CCDC91: variants seen among roughly 807,000 people sequenced by gnomAD.
The protein encoded by CCDC91 is coiled-coil domain containing 91.
In CCDC91, 48 loss-of-function variants were observed where a neutral mutation model predicts 63.2. The ratio of observed to expected loss-of-function variants is 0.76; its 90% confidence interval spans 0.60 to 0.97. The LOEUF is 0.97. Among genes scored for constraint, CCDC91 ranks in the 50% least tolerant of loss-of-function variants. The probability of loss-of-function intolerance (pLI) is 0.00; values close to 1 mark genes in which losing one functional copy is unlikely to be tolerated. For missense variants in CCDC91, 500 were observed against 494.6 expected (o/e 1.01, Z -0.10); for synonymous variants, 167 against 165.8 (o/e 1.01, Z -0.06).
chr12:28,269,350 A>G (rs1382369888), intron 3 of CCDC91, among the ~76,000 whole-genome samples: 1 of 151,752 alleles, frequency 6.6e-6, no homozygotes, highest in Non-Finnish European at 1.5e-5. Context: ...TTTTGTGCCC[A>G]TTCTCTCCTT....
At chr12:28,398,594 T>A (rs1228558211) in intron 8 of CCDC91, among the ~76,000 whole-genome samples, 1 of 152,150 alleles carries the variant, frequency 6.6e-6, no homozygotes, top group African/African-American at 2.4e-5. Flanking sequence ...CTGCCAAAAT[T>A]TTTTCCAAAG....
intron 12 of CCDC91, among the ~76,000 whole-genome samples, chr12:28,513,370 G>T (rs1270647419): frequency 6.6e-6 from 1 of 151,754 alleles, no homozygotes; most frequent in East Asian, 1.9e-4. Context: ...AGAGGGAATT[G>T]TATACAAGTT....
chr12:28,549,374 T>C lies in CCDC91; in HGVS notation c.*201T>C, dbSNP rs34647094. 2.8e-5 allele frequency: 11 copies of C among 398,370 alleles called. No individual in the cohort carries two copies. Among genetic ancestry groups the C allele is most frequent in the Non-Finnish European group, 5.1e-5 (11 of 216,882 alleles). The allele number at this position is 398,370 out of a possible 1,614,324, so 24.7% of individuals were successfully genotyped here. A position where few individuals can be genotyped will look rare whatever the true frequency, so the allele number is the denominator to read the frequency against. On this transcript the variant is annotated 3_prime_UTR_variant, in exon 13 of 13. Coordinates refer to ENST00000536442, the MANE Select transcript of CCDC91 (RefSeq NM_018318.5). The stretch of plus-strand genomic sequence containing the variant: ...TTTGGTTTCTTCTTTACATTTACTG[T>C]TATTTTATTATTATTAGTAGTAGCA...
At chr12:28,262,809 A>G (rs1027489041) in intron 3 of CCDC91, among the ~76,000 whole-genome samples, 1 of 152,068 alleles carries the variant, frequency 6.6e-6, no homozygotes, top group African/African-American at 2.4e-5. Flanking sequence ...TACGAGATGA[A>G]TGAATATGAA....
intron 1 of CCDC91, among the ~76,000 whole-genome samples, chr12:28,236,053 G>A (rs2135887080): frequency 6.6e-6 from 1 of 152,172 alleles, no homozygotes; most frequent in East Asian, 1.9e-4. Context: ...GCTGTTGGAA[G>A]TAAATATAAC....
intron 11 of CCDC91, among the ~76,000 whole-genome samples, chr12:28,473,064 G>A (rs1295847216): frequency 6.6e-6 from 1 of 152,178 alleles, no homozygotes; most frequent in Non-Finnish European, 1.5e-5. Flanking sequence ...CTGCAGATAA[G>A]TGCTATTGTG....
chr12:28,508,831 C>G (rs1592897611), intron 12 of CCDC91, among the ~76,000 whole-genome samples: 2 of 151,918 alleles, frequency 1.3e-5, no homozygotes, highest in Admixed American at 1.3e-4. Context: ...ATTTCTACCC[C>G]TCGGTTCCTG....
At chr12:28,386,685 T>G (rs749665977) in intron 7 of CCDC91, among the ~76,000 whole-genome samples, 4 of 152,178 alleles carry the variant, frequency 2.6e-5, no homozygotes, top group Non-Finnish European at 5.9e-5. Context: ...ATTCTTAAAG[T>G]GTGATAGTTT....
At chr12:28,216,830 T>C (rs1222378753) in intron 1 of CCDC91, among the ~76,000 whole-genome samples, 1 of 152,072 alleles carries the variant, frequency 6.6e-6, no homozygotes, top group African/African-American at 2.4e-5. Flanking sequence ...TTCTTTGTTT[T>C]AGCCTTTTAG....
intron 7 of CCDC91, among the ~76,000 whole-genome samples, chr12:28,380,229 C>T (rs554584332): frequency 4.3e-4 from 66 of 152,004 alleles, no homozygotes; most frequent in African/African-American, 1.3e-3. Context: ...ATGTAACTGA[C>T]GAGTTGATGG....
At chr12:28,272,747 T>C (rs979365991) in intron 3 of CCDC91, among the ~76,000 whole-genome samples, 1 of 152,166 alleles carries the variant, frequency 6.6e-6, no homozygotes, top group African/African-American at 2.4e-5. Context: ...AAGACATTTG[T>C]ACCTTTAATG....
intron 1 of CCDC91, among the ~76,000 whole-genome samples, chr12:28,238,408 C>A (rs558737962): frequency 6.6e-6 from 1 of 152,160 alleles, no homozygotes; most frequent in East Asian, 1.9e-4. Context: ...AGAAAAGAAC[C>A]AGCAATAACA....
At chr12:28,458,443 T>A (rs1310721230) in intron 11 of CCDC91, among the ~76,000 whole-genome samples, 2 of 139,552 alleles carry the variant, frequency 1.4e-5, no homozygotes, top group African/African-American at 5.2e-5. Flanking sequence ...CCTTTTGTCC[T>A]CATTTGCACA....
intron 12 of CCDC91, among the ~76,000 whole-genome samples, chr12:28,511,979 G>A (rs1939425529): frequency 6.6e-6 from 1 of 151,778 alleles, no homozygotes; most frequent in Non-Finnish European, 1.5e-5. Context: ...TTATGGAAAT[G>A]GCTCTGAATC....
chr12:28,307,458 G>T (rs150707807), intron 5 of CCDC91, among the ~76,000 whole-genome samples, 187 bp from the exon 6 acceptor site: 22 of 151,988 alleles, frequency 1.4e-4, no homozygotes, highest in Admixed American at 1.4e-3. Flanking sequence ...AGTAAATGTT[G>T]TGTCCATGTT....
At chr12:28,377,140 G>C (rs1467726153) in intron 7 of CCDC91, among the ~76,000 whole-genome samples, 2 of 147,102 alleles carry the variant, frequency 1.4e-5, no homozygotes, top group East Asian at 3.9e-4. Context: ...TTTTAATATC[G>C]TGTTTACTTA....
chr12:28,529,192 A>T (rs1464899849), intron 12 of CCDC91, among the ~76,000 whole-genome samples: 2 of 151,982 alleles, frequency 1.3e-5, no homozygotes, highest in East Asian at 3.9e-4. Flanking sequence ...ATTTTAACAG[A>T]CTGTTATTTT....
intron 1 of CCDC91, among the ~76,000 whole-genome samples, chr12:28,209,014 GC>G (rs1418128196): frequency 6.6e-6 from 1 of 151,604 alleles, no homozygotes; most frequent in Non-Finnish European, 1.5e-5. Flanking sequence ...CACCATGTTA[GC>G]CAGGATGGTC....
intron 12 of CCDC91, among the ~76,000 whole-genome samples, chr12:28,507,749 T>G (rs1191345808): frequency 6.6e-6 from 1 of 151,940 alleles, no homozygotes; most frequent in Non-Finnish European, 1.5e-5. Context: ...CCAGTTTGCC[T>G]TAGGTCAGAT....
Sources: gnomAD v4.1 joint callset for allele counts (sites outside exome capture counted in the v4.1 genomes callset) on GRCh38, gnomAD v4.1.1 for gene constraint, MANE v1.5 for transcripts, NCBI Gene and HGNC (gene_info 2026-07-23, HGNC 2026-07-21) for gene names.